Variants in ADAM22 observed in about 807,000 individuals in gnomAD.
ADAM22 encodes ADAM metallopeptidase domain 22.
A neutral mutation model predicts 144.6 loss-of-function variants in ADAM22; 65 were observed. The ratio of observed to expected loss-of-function variants is 0.45; its 90% CI spans 0.37 to 0.55. ADAM22 has a LOEUF of 0.55. Ranked by LOEUF, ADAM22 falls within the 20% of genes least tolerant of loss-of-function variation. The pLI, the probability that ADAM22 is intolerant of heterozygous loss-of-function variation, is 0.00. For synonymous variants in ADAM22, 391 were observed against 412.6 expected (o/e 0.95, Z 0.63); for missense variants, 974 against 1,184.9 (o/e 0.82, Z 2.61).
intron 4 of ADAM22, among the ~76,000 whole-genome samples, chr7:88,092,438 A>G (rs1820152531): frequency 6.6e-6 from 1 of 152,184 alleles, no homozygotes; most frequent in South Asian, 2.1e-4. Flanking sequence ...CTAACTTTAC[A>G]TGTAACATCA....
intron 4 of ADAM22, among the ~76,000 whole-genome samples, chr7:88,101,959 C>T (rs976876253): frequency 6.6e-6 from 1 of 152,308 alleles, no homozygotes; most frequent in Admixed American, 6.5e-5. Context: ...TGCTTTTGGT[C>T]TGCAAACCAC....
At chr7:87,938,628 G>T (rs1841842505) in intron 2 of ADAM22, among the ~76,000 whole-genome samples, 1 of 151,826 alleles carries the variant, frequency 6.6e-6, no homozygotes, top group Non-Finnish European at 1.5e-5. Flanking sequence ...TCTTTAAAAG[G>T]CATTTATTTA....
chr7:87,953,713 C>T (rs947912113), intron 2 of ADAM22, among the ~76,000 whole-genome samples: 46 of 151,838 alleles, frequency 3.0e-4, no homozygotes, highest in South Asian at 6.2e-4. Context: ...ATTTCTGTCT[C>T]GTTGATCTGT....
chr7:88,069,223 C>G (rs1812094442), intron 3 of ADAM22, among the ~76,000 whole-genome samples: 1 of 151,908 alleles, frequency 6.6e-6, no homozygotes, highest in Non-Finnish European at 1.5e-5. Flanking sequence ...CTCCTTCTCT[C>G]CCTTTCCTTC....
At chr7:87,975,040 A>G (rs991574846) in intron 2 of ADAM22, among the ~76,000 whole-genome samples, 2 of 152,198 alleles carry the variant, frequency 1.3e-5, no homozygotes, top group African/African-American at 4.8e-5. Context: ...ATATCTGCAC[A>G]GTCCCTTTTT....
At chr7:88,011,992 G>A (rs1423594543) in intron 3 of ADAM22, among the ~76,000 whole-genome samples, 1 of 150,658 alleles carries the variant, frequency 6.6e-6, no homozygotes, top group African/African-American at 2.4e-5. Context: ...CACCTTTGGA[G>A]ATTGTCCCAT....
At chr7:88,126,364 T>C (rs1830394746) in intron 8 of ADAM22, among the ~76,000 whole-genome samples, 1 of 151,946 alleles carries the variant, frequency 6.6e-6, no homozygotes, top group Non-Finnish European at 1.5e-5. Flanking sequence ...GAGATGGTTA[T>C]TAAAAACACA....
At chr7:88,120,313 G>A (rs1232888499) in intron 7 of ADAM22, among the ~76,000 whole-genome samples, 1 of 151,930 alleles carries the variant, frequency 6.6e-6, no homozygotes, top group Non-Finnish European at 1.5e-5. Context: ...ATCTCCTAAT[G>A]CTATCCCTCC....
At chr7:88,100,861 G>C (rs1822723844) in intron 4 of ADAM22, among the ~76,000 whole-genome samples, 1 of 152,042 alleles carries the variant, frequency 6.6e-6, no homozygotes, top group East Asian at 1.9e-4. Flanking sequence ...GATTGGAGGA[G>C]GGCAGGTTCC....
At chr7:88,068,381 A>G (rs1811848901) in intron 3 of ADAM22, among the ~76,000 whole-genome samples, 1 of 152,042 alleles carries the variant, frequency 6.6e-6, no homozygotes, top group Non-Finnish European at 1.5e-5. Context: ...TAGTTTAAAG[A>G]CCTTATGAAA....
chr7:88,086,866 A>G (rs1268782026), intron 4 of ADAM22, among the ~76,000 whole-genome samples: 1 of 152,224 alleles, frequency 6.6e-6, no homozygotes, highest in Non-Finnish European at 1.5e-5. Flanking sequence ...ATTGAAATGA[A>G]CAGTTATATA....
At chr7:88,187,158 G>A (rs899965061) in intron 30 of ADAM22, among the ~76,000 whole-genome samples, 1 of 152,200 alleles carries the variant, frequency 6.6e-6, no homozygotes, top group Non-Finnish European at 1.5e-5. Context: ...TAAGTGAAAT[G>A]TGATGGGATT....
chr7:88,146,519 G>A (rs1252832790), intron 17 of ADAM22, among the ~76,000 whole-genome samples: 1 of 152,140 alleles, frequency 6.6e-6, no homozygotes, highest in Non-Finnish European at 1.5e-5. Context: ...ATATTTAGCA[G>A]TATCTCTGCA....
intron 2 of ADAM22, among the ~76,000 whole-genome samples, chr7:87,938,696 A>G (rs534451742): frequency 6.6e-6 from 1 of 151,626 alleles, no homozygotes; most frequent in African/African-American, 2.4e-5. Flanking sequence ...CCCAGGCTGG[A>G]TGGAGTGCAG....
At position 88,052,810 on chromosome 7, in the gene ADAM22, A is replaced by G. The variant is rs370418354; in HGVS notation, c.324-22816A>G. The stretch of plus-strand genomic sequence containing the variant: ...TTTGCCTTAAATTCTATTGCTCTTC[A>G]CTTGTGTTGGTACTTTCAGGCCTTT... On this transcript the variant is annotated intron_variant, in intron 3 of 31. Transcript: ENST00000413139. Among the ~76,000 whole-genome samples the G allele has an allele frequency of 2.6e-5, 4 of 152,146 alleles. No homozygotes were observed. In the East Asian group the frequency reaches 5.8e-4, roughly 22 times the overall value.
intron 4 of ADAM22, among the ~76,000 whole-genome samples, chr7:88,076,289 C>T (rs935070357): frequency 8.5e-5 from 13 of 152,264 alleles, no homozygotes; most frequent in South Asian, 4.1e-4. Flanking sequence ...CCACCCGCTC[C>T]GGCCTCCCAA....
intron 3 of ADAM22, among the ~76,000 whole-genome samples, chr7:88,010,498 AT>A (rs1441831736): frequency 6.6e-6 from 1 of 151,848 alleles, no homozygotes; most frequent in African/African-American, 2.4e-5. Context: ...CTCTTTTTCT[AT>A]GTTAGTTTTA....
At chr7:88,105,345 T>C (rs1026460942) in intron 4 of ADAM22, among the ~76,000 whole-genome samples, 8 of 152,210 alleles carry the variant, frequency 5.3e-5, no homozygotes, top group Non-Finnish European at 1.0e-4. Context: ...GAAACACTTA[T>C]AGACAGAGTT....
At chr7:88,157,667 G>A (rs144969696) in intron 22 of ADAM22, among the ~76,000 whole-genome samples, 135 of 152,168 alleles carry the variant, frequency 8.9e-4, no homozygotes, top group Non-Finnish European at 1.4e-3. Flanking sequence ...GATTTACAGC[G>A]CTACGAAACC....
Sources: gnomAD v4.1 joint callset for allele counts (sites outside exome capture counted in the v4.1 genomes callset) on GRCh38, gnomAD v4.1.1 for gene constraint, MANE v1.5 for transcripts, NCBI Gene and HGNC (gene_info 2026-07-23, HGNC 2026-07-21) for gene names.